MAEA: variants seen among roughly 807,000 people sequenced by gnomAD.
MAEA encodes macrophage erythroblast attacher, E3 ubiquitin ligase, also known as E3 ubiquitin-protein transferase MAEA.
MAEA carries 22 observed loss-of-function variants against 46.2 expected under a neutral mutation model. That is an observed-to-expected ratio of 0.48 (90% CI 0.34 to 0.68). MAEA has a LOEUF of 0.68. Among genes scored for constraint, MAEA ranks in the 30% least tolerant of loss-of-function variants. MAEA has a pLI of 0.01. For synonymous variants in MAEA, 246 were observed against 222.6 expected (o/e 1.11, Z -0.94); for missense variants, 393 against 558.1 (o/e 0.70, Z 2.98).
chr4:1,316,208 C>G (rs774259381), intron 3 of MAEA, among the ~76,000 whole-genome samples: 3 of 152,186 alleles, frequency 2.0e-5, no homozygotes, highest in Admixed American at 2.0e-4. Context: ...TGTAGAAACA[C>G]GTGGCACCCT....
At position 1,321,510 on chromosome 4, in the gene MAEA, G is replaced by A. The variant is rs192634569; in HGVS notation, c.457-871G>A. Among the ~76,000 whole-genome samples the A allele has an allele frequency of 3.4e-3, 522 of 152,352 alleles. 5 individuals carry two copies. The highest frequency in any genetic ancestry group is 0.012 in the African/African-American group (506 of 41,580). Reference sequence around the variant, plus strand: ...AGGTGCAAGAAAACAACGTTATGAGGGGTTTCAGAAAAGAGTAATCATCAA... The same window carrying A: ...AGGTGCAAGAAAACAACGTTATGAGAGGTTTCAGAAAAGAGTAATCATCAA... On this transcript the variant is annotated intron_variant, in intron 3 of 8. Transcript: ENST00000303400.
chr4:1,316,066 C>T (rs1737124024), intron 3 of MAEA, among the ~76,000 whole-genome samples: 1 of 152,040 alleles, frequency 6.6e-6, no homozygotes, highest in South Asian at 2.1e-4. Flanking sequence ...TGTCTGCACA[C>T]ATCCTGCTTA....
At position 1,291,012 on chromosome 4, in the gene MAEA, A is replaced by G. The variant is rs188060219; in HGVS notation, c.69+1030A>G. 1.7e-4 allele frequency among the ~76,000 whole-genome samples: 26 copies of G among 152,306 alleles called. No individual in the cohort carries two copies. The East Asian group carries it at 4.6e-3, about 27-fold the overall frequency. On this transcript the variant is annotated intron_variant, in intron 1 of 8. Transcript: ENST00000303400. ...GCCTGTGTCACCTCAGGGTGAAATGAGTGACCACGTATTGTTTCAAACAGT... is the reference window on the plus strand; with the variant it reads ...GCCTGTGTCACCTCAGGGTGAAATGGGTGACCACGTATTGTTTCAAACAGT...
At chr4:1,293,739 C>G (rs1212686927) in intron 1 of MAEA, among the ~76,000 whole-genome samples, 1 of 152,230 alleles carries the variant, frequency 6.6e-6, no homozygotes, top group Non-Finnish European at 1.5e-5. Flanking sequence ...AAACACCGGG[C>G]TTGTGGTTGC....
At chr4:1,309,325 A>T in intron 1 of MAEA, 2 of 734,684 alleles carry the variant, frequency 2.7e-6, no homozygotes, top group Non-Finnish European at 3.6e-6. Context: ...AATGCCCTTT[A>T]AGGAGCCTGT....
At chr4:1,299,312 G>A (rs531001559) in intron 1 of MAEA, among the ~76,000 whole-genome samples, 1 of 152,296 alleles carries the variant, frequency 6.6e-6, no homozygotes, top group Admixed American at 6.5e-5. Context: ...GGTTGGCCTT[G>A]ATGCCTCTGT....
rs1376878606 is a variant in MAEA, at chr4:1,322,518, A to G, written c.579+15A>G. On this transcript the variant is annotated intron_variant, in intron 4 of 8. Transcript: ENST00000303400. ...GGAAGATGAAGGTGCACGGACTCCCAGGTTGGGGTGGGAGTGGGTCGGGGC... is the reference window on the plus strand; with the variant it reads ...GGAAGATGAAGGTGCACGGACTCCCGGGTTGGGGTGGGAGTGGGTCGGGGC... The G allele has an allele frequency of 6.2e-7, 1 of 1,612,318 alleles. No homozygotes were observed. The highest frequency in any genetic ancestry group is 1.7e-5 in the Admixed American group (1 of 59,966).
At chr4:1,296,458 G>A (rs1734722965) in intron 1 of MAEA, among the ~76,000 whole-genome samples, 3 of 124,278 alleles carry the variant, frequency 2.4e-5, no homozygotes, top group African/African-American at 9.8e-5. Context: ...CCGTGCCTGT[G>A]CCCCCCTCAC....
At chr4:1,325,691 G>C (rs1224934924) in intron 4 of MAEA, among the ~76,000 whole-genome samples, 1 of 152,104 alleles carries the variant, frequency 6.6e-6, no homozygotes, top group Non-Finnish European at 1.5e-5. Context: ...CTGGTGGGGA[G>C]CCTCTATCTC....
At chr4:1,322,585 T>A in intron 4 of MAEA, 82 bp downstream of exon 4, 1 of 1,563,194 alleles carries the variant, frequency 6.4e-7, no homozygotes, top group South Asian at 1.2e-5. Flanking sequence ...CCCCCTTGCC[T>A]GGTGGTTCAC....
At chr4:1,337,232 A>G (rs1236884653) in intron 7 of MAEA, 2 of 549,100 alleles carry the variant, frequency 3.6e-6, no homozygotes, top group Non-Finnish European at 6.5e-6. Context: ...TCATCATCTC[A>G]GAGGCCGCCA....
intron 1 of MAEA, among the ~76,000 whole-genome samples, chr4:1,292,520 T>C (rs1039965437): frequency 1.3e-5 from 2 of 152,018 alleles, no homozygotes; most frequent in Non-Finnish European, 2.9e-5. Flanking sequence ...ACCAAAGGGG[T>C]GGACCGGCCT....
chr4:1,309,917 G>T (rs149887104), intron 1 of MAEA: 20 of 1,283,666 alleles, frequency 1.6e-5, no homozygotes, highest in Non-Finnish European at 1.6e-5. Context: ...GAAAGGCCCC[G>T]TTCCCGCGTA....
At chr4:1,318,862 G>T (rs1294683068) in intron 3 of MAEA, among the ~76,000 whole-genome samples, 1 of 152,190 alleles carries the variant, frequency 6.6e-6, no homozygotes, top group Non-Finnish European at 1.5e-5. Context: ...ATAACCTCAT[G>T]CTCTGGATTG....
intron 3 of MAEA, among the ~76,000 whole-genome samples, chr4:1,321,988 G>T (rs1738186938): frequency 6.7e-6 from 1 of 149,948 alleles, no homozygotes; most frequent in South Asian, 2.1e-4. Context: ...TGTTGATTTT[G>T]AAATGAGGGG....
intron 6 of MAEA, chr4:1,335,175 C>G (rs945579414): frequency 2.4e-5 from 24 of 985,354 alleles, no homozygotes; most frequent in Non-Finnish European, 2.9e-5. Context: ...ATTTTCTGTT[C>G]TGTGATGCTT....
intron 5 of MAEA, chr4:1,332,477 G>A: frequency 3.1e-6 from 1 of 321,824 alleles, no homozygotes; most frequent in Non-Finnish European, 5.9e-6. Flanking sequence ...CACTTTGGGA[G>A]GCCGGGGCAG....
At chr4:1,313,573 A>G (rs1306258171) in intron 2 of MAEA, among the ~76,000 whole-genome samples, 4 of 151,932 alleles carry the variant, frequency 2.6e-5, no homozygotes, top group African/African-American at 9.7e-5. Context: ...AAAACATTAA[A>G]AATAGCCAAG....
chr4:1,295,329 A>T (rs1412459014), intron 1 of MAEA, among the ~76,000 whole-genome samples: 3 of 152,080 alleles, frequency 2.0e-5, no homozygotes, highest in African/African-American at 7.3e-5. Context: ...TTATTTTGAA[A>T]ACCTGAACAA....
Sources: allele counts gnomAD v4.1 joint callset (sites outside exome capture counted in the v4.1 genomes callset), GRCh38; gene constraint gnomAD v4.1.1; transcripts MANE v1.5; gene names NCBI Gene and HGNC (gene_info 2026-07-23, HGNC 2026-07-21).